RGS6: variants seen among roughly 807,000 people sequenced by gnomAD.
The protein encoded by RGS6 is regulator of G protein signaling 6, also known as regulator of G-protein signaling 6.
A neutral mutation model predicts 78.5 loss-of-function variants in RGS6; 30 were observed. That is an observed-to-expected ratio of 0.38 (90% CI 0.29 to 0.52). The LOEUF is 0.52. Among genes scored for constraint, RGS6 ranks in the 20% least tolerant of loss-of-function variants. RGS6 has a pLI of 0.85. For missense variants in RGS6, 495 were observed against 609.7 expected (o/e 0.81, Z 1.98); for synonymous variants, 206 against 206.0 (o/e 1.00, Z 0.00).
At chr14:72,038,197 T>C (rs563898349) in intron 2 of RGS6, among the ~76,000 whole-genome samples, 29 of 152,278 alleles carry the variant, frequency 1.9e-4, no homozygotes, top group African/African-American at 7.0e-4. Context: ...CTTGAACTCC[T>C]GGCCTCAATC....
intron 3 of RGS6, among the ~76,000 whole-genome samples, chr14:72,359,477 C>A (rs1012300904): frequency 6.6e-6 from 1 of 152,072 alleles, no homozygotes; most frequent in Non-Finnish European, 1.5e-5. Context: ...TTGGAGATGA[C>A]AAGTAAGTAT....
chr14:71,891,819 C>T, the RGS6 span, among the ~76,000 whole-genome samples: 2 of 152,134 alleles, frequency 1.3e-5, no homozygotes, highest in Non-Finnish European at 2.9e-5. Flanking sequence ...TCTCTGGCTT[C>T]TTCCCAGCAC....
At chr14:72,118,975 C>T (rs1163618519) in intron 2 of RGS6, among the ~76,000 whole-genome samples, 3 of 152,180 alleles carry the variant, frequency 2.0e-5, no homozygotes, top group East Asian at 3.9e-4. Flanking sequence ...AGACATTAGT[C>T]CATTCTTTTG....
intron 2 of RGS6, among the ~76,000 whole-genome samples, chr14:72,181,097 C>T (rs1358956233): frequency 6.6e-6 from 1 of 152,178 alleles, no homozygotes; most frequent in Non-Finnish European, 1.5e-5. Flanking sequence ...TAAGACATCC[C>T]TTCAGTGTCT....
At chr14:72,240,216 C>T (rs1269222581) in intron 2 of RGS6, among the ~76,000 whole-genome samples, 2 of 152,186 alleles carry the variant, frequency 1.3e-5, no homozygotes, top group Non-Finnish European at 2.9e-5. Context: ...GATTTTCTGC[C>T]TCCACACTTA....
At chr14:72,233,768 C>T (rs181926973) in intron 2 of RGS6, among the ~76,000 whole-genome samples, 141 of 152,218 alleles carry the variant, frequency 9.3e-4, no homozygotes, top group African/African-American at 3.1e-3. Flanking sequence ...TGGGCCAGAC[C>T]GGACGCTAGA....
At chr14:72,140,284 A>T (rs926690204) in intron 2 of RGS6, among the ~76,000 whole-genome samples, 1 of 151,422 alleles carries the variant, frequency 6.6e-6, no homozygotes, top group African/African-American at 2.4e-5. Context: ...CTATACCCCT[A>T]TTACTATTTC....
At chr14:72,448,713 C>T (rs539181355) in intron 3 of RGS6, among the ~76,000 whole-genome samples, 7 of 152,252 alleles carry the variant, frequency 4.6e-5, no homozygotes, top group South Asian at 2.1e-4. Flanking sequence ...ATTAATGCCT[C>T]TGTTTCAGGA....
intron 13 of RGS6, among the ~76,000 whole-genome samples, chr14:72,501,399 A>G (rs1598396545): frequency 1.2e-5 from 1 of 85,840 alleles, no homozygotes; most frequent in South Asian, 3.3e-4. Context: ...TTCAGAGGGG[A>G]AAAAAAGGCA....
chr14:72,120,978 G>A (rs2096035441), intron 2 of RGS6, among the ~76,000 whole-genome samples: 1 of 152,192 alleles, frequency 6.6e-6, no homozygotes. Context: ...TGAGTTTGAA[G>A]ATTCTTGGAG....
chr14:72,198,869 C>T (rs1015618626), intron 2 of RGS6, among the ~76,000 whole-genome samples: 1 of 152,216 alleles, frequency 6.6e-6, no homozygotes, highest in African/African-American at 2.4e-5. Context: ...GAAAGTGGTA[C>T]TAGCTGACAA....
chr14:72,158,455 G>T (rs1179288283), intron 2 of RGS6, among the ~76,000 whole-genome samples: 1 of 152,122 alleles, frequency 6.6e-6, no homozygotes, highest in Non-Finnish European at 1.5e-5. Context: ...TTTTTGAGGG[G>T]ATACAATTCA....
chr14:72,547,487 A>G, intron 17 of RGS6: 1 of 665,716 alleles, frequency 1.5e-6, no homozygotes, highest in Non-Finnish European at 2.6e-6. Flanking sequence ...TGAGTTAGGA[A>G]AGCATGACAT....
intron 2 of RGS6, among the ~76,000 whole-genome samples, chr14:72,075,857 T>C (rs1423578495): frequency 1.3e-5 from 2 of 152,214 alleles, no homozygotes; most frequent in Non-Finnish European, 2.9e-5. Flanking sequence ...GCTGCAAATA[T>C]GCTAAAACCT....
chr14:72,479,037 C>T (rs145688081), intron 12 of RGS6, among the ~76,000 whole-genome samples: 32 of 152,250 alleles, frequency 2.1e-4, no homozygotes, highest in Admixed American at 1.8e-3. Flanking sequence ...CATATGCTAC[C>T]GTTAAAGCAA....
chr14:72,427,877 A>G (rs2094490417), intron 3 of RGS6, among the ~76,000 whole-genome samples: 2 of 152,224 alleles, frequency 1.3e-5, no homozygotes, highest in Admixed American at 6.5e-5. Flanking sequence ...TATACAAGCC[A>G]AAATAATCAG....
At chr14:72,206,615 C>G (rs2042771761) in intron 2 of RGS6, among the ~76,000 whole-genome samples, 1 of 152,032 alleles carries the variant, frequency 6.6e-6, no homozygotes, top group African/African-American at 2.4e-5. Flanking sequence ...AAAGGAGGAG[C>G]AAGTCACTTC....
intron 2 of RGS6, among the ~76,000 whole-genome samples, chr14:72,153,057 C>T (rs2096717315): frequency 6.6e-6 from 1 of 152,132 alleles, no homozygotes; most frequent in African/African-American, 2.4e-5. Flanking sequence ...CCCCAGTGTG[C>T]AGGCCACTTG....
chr14:72,160,034 G>T (rs2096830885), intron 2 of RGS6, among the ~76,000 whole-genome samples: 2 of 152,184 alleles, frequency 1.3e-5, no homozygotes, highest in African/African-American at 4.8e-5. Flanking sequence ...ATTAGATTGT[G>T]AGCTACTTTA....
Sources: gnomAD v4.1 joint callset for allele counts (sites outside exome capture counted in the v4.1 genomes callset) on GRCh38, gnomAD v4.1.1 for gene constraint, MANE v1.5 for transcripts, NCBI Gene and HGNC (gene_info 2026-07-23, HGNC 2026-07-21) for gene names.